The following ABLIM2 variants were observed in gnomAD, a reference collection of about 807,000 sequenced individuals.
The protein encoded by ABLIM2 is actin binding LIM protein family member 2, also known as actin-binding LIM protein 2.
Under a neutral mutation model 97.7 loss-of-function variants are expected in ABLIM2, and 53 were observed. The ratio of observed to expected loss-of-function variants is 0.54; its 90% CI spans 0.44 to 0.68. The LOEUF (loss-of-function observed/expected upper bound fraction) is 0.68. Among genes scored for constraint, ABLIM2 ranks in the 30% least tolerant of loss-of-function variants. ABLIM2 has a pLI of 0.00. For missense variants in ABLIM2, 835 were observed against 867.2 expected, an observed-to-expected ratio of 0.96 and a Z score of 0.47; for synonymous variants, 361 against 345.8, an observed-to-expected ratio of 1.04 and a Z score of -0.49.
At chr4:8,094,406 G>C (rs10002546) in intron 3 of ABLIM2, among the ~76,000 whole-genome samples, 61,509 of 151,922 alleles carry the variant, frequency 0.4, 13,520 homozygotes, top group African/African-American at 0.59. Flanking sequence ...TCCAACAACT[G>C]AGCTCTCCAA....
chr4:8,075,412 G>A lies in ABLIM2; in HGVS notation c.675+2216C>T, dbSNP rs866521555. 2.0e-5 allele frequency among the ~76,000 whole-genome samples: 3 copies of A among 152,196 alleles called. No homozygotes were observed. Among genetic ancestry groups the A allele is most frequent in the African/African-American group, 7.2e-5 (3 of 41,446 alleles). ...ATTGATAAAGAAAACCATTGAATGG[G>A]CTGGGTATGGTGACTCACACCTGTA... is the stretch of plus-strand genomic sequence containing the variant. On this transcript the variant is annotated intron_variant, in intron 6 of 20. Transcript: ENST00000447017. The surrounding 1 kb of genome is among the most constrained non-coding windows in gnomAD (Gnocchi z 4.4).
chr4:8,024,905 G>A (rs1326560106), intron 12 of ABLIM2, among the ~76,000 whole-genome samples: 1 of 152,162 alleles, frequency 6.6e-6, no homozygotes, highest in Non-Finnish European at 1.5e-5. Context: ...CAGAGAGGTG[G>A]CCAGGTGGCT....
chr4:8,024,441 G>A (rs1011976067), intron 12 of ABLIM2, among the ~76,000 whole-genome samples: 2 of 152,178 alleles, frequency 1.3e-5, no homozygotes, highest in African/African-American at 4.8e-5. Flanking sequence ...GCCTCGGGCA[G>A]CCGCCCCCGT....
intron 8 of ABLIM2, 33 bp from the exon 9 acceptor site, chr4:8,045,274 G>C (rs767043157): frequency 6.3e-7 from 1 of 1,587,774 alleles, no homozygotes; most frequent in Non-Finnish European, 8.7e-7. Context: ...ATTGAAGGCA[G>C]GTACCAACAT....
intron 2 of ABLIM2, among the ~76,000 whole-genome samples, chr4:8,099,661 T>A (rs1258806411): frequency 6.6e-6 from 1 of 151,910 alleles, no homozygotes; most frequent in African/African-American, 2.4e-5. Flanking sequence ...CTGGCTAACA[T>A]GGTGAAACCC....
chr4:8,007,826 A>C, intron 16 of ABLIM2: 1 of 1,325,234 alleles, frequency 7.5e-7, no homozygotes, highest in Non-Finnish European at 9.6e-7. Context: ...CTGTGAGGGG[A>C]CATGCAGGCG....
chr4:8,110,137 G>T (rs1238561606), intron 1 of ABLIM2, among the ~76,000 whole-genome samples: 1 of 152,262 alleles, frequency 6.6e-6, no homozygotes. Flanking sequence ...TGCCACACGG[G>T]TGATGCACCC....
intron 12 of ABLIM2, among the ~76,000 whole-genome samples, chr4:8,024,994 G>T (rs554413659): frequency 8.5e-5 from 13 of 152,126 alleles, no homozygotes; most frequent in Non-Finnish European, 1.8e-4. Context: ...CAGTGGCTCA[G>T]TCTCAGCTCA....
rs868324488 is a variant in ABLIM2 at position 8,021,135 on chromosome 4, C to T, written c.1268-832G>A. 7.2e-5 allele frequency among the ~76,000 whole-genome samples: 11 copies of T among 152,278 alleles called. No individual in the cohort carries two copies. The highest frequency in any genetic ancestry group is 2.1e-4 in the South Asian group (1 of 4,822). ...CCTCCCAAGGTGCTGGGATTACAGG[C>T]ATGAGCCACCGCACCCTGGCCACAT... On this transcript the variant is annotated intron_variant, in intron 12 of 20. Transcript: ENST00000447017. This position sits in a 1 kb window ranked among gnomAD's most constrained non-coding sequence, Gnocchi z 5.5.
chr4:8,063,732 C>A (rs974523260), intron 6 of ABLIM2, among the ~76,000 whole-genome samples: 1 of 152,256 alleles, frequency 6.6e-6, no homozygotes, highest in Non-Finnish European at 1.5e-5. Flanking sequence ...ACTGCTAAGG[C>A]TTGAATGTTT....
rs979563638 is a variant in ABLIM2, at chr4:8,021,397, T to C, written c.1268-1094A>G. 4.0e-5 allele frequency among the ~76,000 whole-genome samples: 6 copies of C among 151,880 alleles called. No homozygotes were observed. In the South Asian group the frequency reaches 1.2e-3, roughly 32 times the overall value. On this transcript the variant is annotated intron_variant, in intron 12 of 20. Transcript: ENST00000447017. The surrounding 1 kb of genome is among the most constrained non-coding windows in gnomAD (Gnocchi z 5.5). ...GCTTGTGATGAGAGAAGGTGTACGC[T>C]CCCTGCAGAAGACACTCCCAAGGCC...
chr4:8,044,793 C>T lies in ABLIM2; in HGVS notation c.900+371G>A, dbSNP rs1336457016. On this transcript the variant is annotated intron_variant, in intron 9 of 20. Transcript: ENST00000447017. This position sits in a 1 kb window ranked among gnomAD's most constrained non-coding sequence, Gnocchi z 4.4. ...GCGTGTTGATGTACACAGATCCGTG[C>T]CGTTATTTGCAAACTCTGCAGGGTC... 6.6e-6 allele frequency among the ~76,000 whole-genome samples: 1 copy of T among 152,116 alleles called. No homozygotes were observed. The highest frequency in any genetic ancestry group is 1.5e-5 in the Non-Finnish European group (1 of 68,030).
chr4:8,077,595 A>G, intron 6 of ABLIM2, 33 bp downstream of exon 6: 1 of 1,567,890 alleles, frequency 6.4e-7, no homozygotes, highest in Non-Finnish European at 8.7e-7. Flanking sequence ...GCCCTAGCTC[A>G]GAGCGGGCAG....
intron 1 of ABLIM2, among the ~76,000 whole-genome samples, chr4:8,133,165 G>T (rs1849673569): frequency 6.6e-6 from 1 of 152,168 alleles, no homozygotes. Context: ...CTCCCTGCGT[G>T]AGTTCACATC....
rs1246093886 is a variant in ABLIM2, at chr4:8,069,091, C to A, written c.676-8037G>T. Among the ~76,000 whole-genome samples the A allele has an allele frequency of 6.6e-6, 1 of 152,238 alleles. No individual in the cohort carries two copies. The highest frequency in any genetic ancestry group is 1.5e-5 in the Non-Finnish European group (1 of 68,042). On this transcript the variant is annotated intron_variant, in intron 6 of 20. Coordinates refer to ENST00000447017, the MANE Select transcript of ABLIM2 (RefSeq NM_001130083.2). This position sits in a 1 kb window ranked among gnomAD's most constrained non-coding sequence, Gnocchi z 4.2. ...TCTGGAACACAGCTCCTCTTGGCCC[C>A]AGGCCTGTCTAGCACACTCACTCCT...
Position 8,067,003 on chromosome 4 carries a change from G to A in ABLIM2, c.676-5949C>T, listed in dbSNP as rs1472782952. On this transcript the variant is annotated intron_variant, in intron 6 of 20. Coordinates refer to ENST00000447017, the MANE Select transcript of ABLIM2 (RefSeq NM_001130083.2). This position sits in a 1 kb window ranked among gnomAD's most constrained non-coding sequence, Gnocchi z 5.4. ...GTGTCAGGTGCTCTGCCTGCCTCAAGTTCATCCTCACAGCAGCCCCTTGGG... is the reference window on the plus strand; with the variant it reads ...GTGTCAGGTGCTCTGCCTGCCTCAAATTCATCCTCACAGCAGCCCCTTGGG... 1.3e-5 allele frequency: 2 copies of A among 152,194 alleles called. No homozygotes were observed. Among genetic ancestry groups the A allele is most frequent in the Middle Eastern group, 3.2e-3 (1 of 316 alleles). 9.4% of individuals were successfully genotyped at this position (152,194 alleles called of 1,614,324 possible).
At position 8,005,254 on chromosome 4, in the gene ABLIM2, C is replaced by T; in HGVS notation, c.1618+2805G>A. 1 of 512,820 alleles carries T rather than the reference C, an allele frequency of 1.9e-6. No individual in the cohort carries two copies. The highest frequency in any genetic ancestry group is 4.1e-6 in the Non-Finnish European group (1 of 245,386). 31.8% of individuals were successfully genotyped at this position (512,820 alleles called of 1,614,324 possible). A position where few individuals can be genotyped will look rare whatever the true frequency, so the allele number is the denominator to read the frequency against. ...CCTGCACGCTTCTCCAGGTCAGGGG[C>T]TGCTCTTGTCTTCTCTGTCCCCCTC... On this transcript the variant is annotated intron_variant, in intron 16 of 20. Coordinates refer to ENST00000447017, the MANE Select transcript of ABLIM2 (RefSeq NM_001130083.2). The surrounding 1 kb of genome is among the most constrained non-coding windows in gnomAD (Gnocchi z 4.9).
intron 1 of ABLIM2, among the ~76,000 whole-genome samples, chr4:8,145,632 T>G (rs1212652047): frequency 6.6e-6 from 1 of 152,090 alleles, no homozygotes; most frequent in Non-Finnish European, 1.5e-5. Flanking sequence ...GCTGAGGACA[T>G]GAAATCTCAG....
rs1170206164 is a variant in ABLIM2, at chr4:8,149,351, G to C, written c.10+9329C>G. The stretch of plus-strand genomic sequence containing the variant: ...GTCACAGGGCCTGGGATTAGGACAT[G>C]GGCACCTTTGAGTCCACTGTTCAGC... On this transcript the variant is annotated intron_variant, in intron 1 of 20. Coordinates refer to ENST00000447017, the MANE Select transcript of ABLIM2 (RefSeq NM_001130083.2). The surrounding 1 kb of genome is among the most constrained non-coding windows in gnomAD (Gnocchi z 6.4). Among the ~76,000 whole-genome samples the C allele has an allele frequency of 1.3e-5, 2 of 152,042 alleles. No homozygotes were observed. Among genetic ancestry groups the C allele is most frequent in the Non-Finnish European group, 2.9e-5 (2 of 68,028 alleles).
Sources: allele counts gnomAD v4.1 joint callset (sites outside exome capture counted in the v4.1 genomes callset), GRCh38; gene constraint gnomAD v4.1.1; non-coding constraint Gnocchi (gnomAD v3.1); transcripts MANE v1.5; gene names NCBI Gene and HGNC (gene_info 2026-07-23, HGNC 2026-07-21).